The following CPT1A variants were observed in gnomAD, a reference collection of about 807,000 sequenced individuals.
CPT1A encodes carnitine palmitoyltransferase 1A.
A neutral mutation model predicts 100.8 loss-of-function variants in CPT1A; 64 were observed. That is an observed-to-expected ratio of 0.63 (90% CI 0.52 to 0.78). The LOEUF (loss-of-function observed/expected upper bound fraction) is 0.78, where lower values mean the gene tolerates loss of function less well. Among genes scored for constraint, CPT1A ranks in the 30% least tolerant of loss-of-function variants. The pLI is 0.00. For missense variants in CPT1A, 802 were observed against 1,034.1 expected (o/e 0.78, Z 3.08); for synonymous variants, 363 against 396.0 (o/e 0.92, Z 0.99).
chr11:68,761,879 G>A (rs1854631824), intron 15 of CPT1A, among the ~76,000 whole-genome samples, 192 bp from the exon 16 acceptor site: 1 of 152,144 alleles, frequency 6.6e-6, no homozygotes, highest in Non-Finnish European at 1.5e-5. Flanking sequence ...CCAAAGTACT[G>A]GGATTACAGG....
chr11:68,782,063 C>T (rs968649217), intron 10 of CPT1A, 104 bp from the exon 11 acceptor site: 29 of 1,101,900 alleles, frequency 2.6e-5, no homozygotes, highest in Middle Eastern at 2.4e-4. Flanking sequence ...CAGAATTTCT[C>T]GAAGGAAAAC....
intron 17 of CPT1A, among the ~76,000 whole-genome samples, 185 bp downstream of exon 17, chr11:68,760,040 C>CA (rs1262359763): frequency 6.6e-6 from 1 of 151,622 alleles, no homozygotes; most frequent in African/African-American, 2.4e-5. Flanking sequence ...GACCTTGTCT[C>CA]AAAAAAATAA....
Position 68,784,960 on chromosome 11 carries a change from CTCG to C in CPT1A, c.1015_1017del (p.Arg339del). On this transcript the variant is annotated inframe_deletion, in exon 10 of 19. Transcript: ENST00000265641. ...TAGAGCCAGACCTTGAAGTAGCGTC[CTCG>C]ATGGTACACGACGATGTGCTTGCTG... The C allele has an allele frequency of 6.2e-7, 1 of 1,614,054 alleles. No homozygotes were observed. The highest frequency in any genetic ancestry group is 2.2e-5 in the East Asian group (1 of 44,868).
rs533259989 is a variant in CPT1A, at chr11:68,758,616, C to CTTT, written c.2236-889_2236-887dup. ...TGTTAAACCAAATTAGATACATTTC[C>CTTT]TTTTTTTTTTTTTTTTTTCTGAGAC... On this transcript the variant is annotated intron_variant, in intron 18 of 18. Transcript: ENST00000265641. Among the ~76,000 whole-genome samples the CTTT allele has an allele frequency of 2.7e-4, 37 of 138,202 alleles. 1 individual carries two copies. The highest frequency in any genetic ancestry group is 3.9e-3 in the Middle Eastern group (1 of 254). The allele number at this position is 138,202 out of a possible 152,430, so 90.7% of individuals were successfully genotyped here.
intron 1 of CPT1A, among the ~76,000 whole-genome samples, chr11:68,838,894 G>A (rs777332260): frequency 3.9e-5 from 6 of 152,134 alleles, no homozygotes; most frequent in Non-Finnish European, 7.4e-5. Flanking sequence ...ACTTTGCATC[G>A]TATGCTTATA....
intron 14 of CPT1A, among the ~76,000 whole-genome samples, chr11:68,768,373 C>A (rs948935200): frequency 6.6e-6 from 1 of 152,076 alleles, no homozygotes; most frequent in Admixed American, 6.6e-5. Context: ...CTGTGCCCGG[C>A]CTGCCAGCAT....
chr11:68,816,528 C>T (rs1006670556), intron 1 of CPT1A, among the ~76,000 whole-genome samples: 9 of 152,240 alleles, frequency 5.9e-5, no homozygotes, highest in Admixed American at 3.3e-4. Context: ...TCTTCCTGTA[C>T]CCTTCATCCT....
At chr11:68,806,879 G>C (rs1217090555) in intron 4 of CPT1A, among the ~76,000 whole-genome samples, 1 of 151,990 alleles carries the variant, frequency 6.6e-6, no homozygotes, top group Non-Finnish European at 1.5e-5. Flanking sequence ...GCAGTGAGCT[G>C]AGATCACACC....
chr11:68,762,719 G>A lies in CPT1A; in HGVS notation c.1783C>T (p.Arg595Trp), dbSNP rs576663980. The change falls in exon 15 of 19, where the codon CGG (arginine) becomes TGG (tryptophan). Residue 595 changes from arginine (R) to tryptophan (W), a missense_variant. Around this residue, in one of 4 missense-constraint regions of CPT1A, gnomAD observed 627 missense variants for 799.3 expected, o/e 0.78. Coordinates refer to ENST00000265641, the MANE Select transcript of CPT1A (RefSeq NM_001876.4). ...TCCGTCCTCCCCTCTCGGAAGAGCC[G>A]GGTCATGGAGGCCTCGTATGTGAGG... The part of the protein sequence containing the change: ...FCLTYEASMT[R>W]LFREGRTETV... 5 of 1,614,076 alleles carry A rather than the reference G, an allele frequency of 3.1e-6. No individual in the cohort carries two copies. The highest frequency in any genetic ancestry group is 4.2e-6 in the Non-Finnish European group (5 of 1,180,034).
Position 68,794,790 on chromosome 11 carries a change from A to G in CPT1A, c.879+14T>C. On this transcript the variant is annotated intron_variant, in intron 8 of 18. Coordinates refer to ENST00000265641, the MANE Select transcript of CPT1A (RefSeq NM_001876.4). ...GTTTGAAAATAATTTTTTTAAAGCAATTTGTTTGCCTACTGGTTTGATTTC... is the reference window on the plus strand; with the variant it reads ...GTTTGAAAATAATTTTTTTAAAGCAGTTTGTTTGCCTACTGGTTTGATTTC... 6.2e-7 allele frequency: 1 copy of G among 1,601,380 alleles called. No individual in the cohort carries two copies. The highest frequency in any genetic ancestry group is 8.6e-7 in the Non-Finnish European group (1 of 1,168,434).
At chr11:68,815,624 A>C in intron 1 of CPT1A, 137 bp from the exon 2 acceptor site, 1 of 839,980 alleles carries the variant, frequency 1.2e-6, no homozygotes, top group Non-Finnish European at 1.9e-6. Context: ...TCATCAACAG[A>C]CCAATTCCAT....
intron 1 of CPT1A, among the ~76,000 whole-genome samples, chr11:68,831,924 T>A (rs1856890561): frequency 6.6e-6 from 1 of 152,076 alleles, no homozygotes; most frequent in African/African-American, 2.4e-5. Context: ...TGAGCCACTG[T>A]GCCCGACCCA....
chr11:68,797,048 G>T, intron 6 of CPT1A, 115 bp from the exon 7 acceptor site: 1 of 937,760 alleles, frequency 1.1e-6, no homozygotes, highest in South Asian at 1.4e-5. Flanking sequence ...AGACATTTCG[G>T]CGTCTAACAG....
chr11:68,812,296 G>T lies in CPT1A; in HGVS notation c.281+141C>A, dbSNP rs1308080747. ...GACCTTAACAGCACCCAGGAGACAG[G>T]AAGAAAGCTGACGTGAGAACAGCAT... On this transcript the variant is annotated intron_variant, in intron 3 of 18. Transcript: ENST00000265641. The T allele has an allele frequency of 4.9e-6, 6 of 1,235,592 alleles. No individual in the cohort carries two copies. In the Admixed American group the frequency reaches 1.0e-4, roughly 22 times the overall value. The allele number at this position is 1,235,592 out of a possible 1,614,324, so 76.5% of individuals were successfully genotyped here.
At chr11:68,837,389 T>G (rs1225540014) in intron 1 of CPT1A, among the ~76,000 whole-genome samples, 2 of 152,204 alleles carry the variant, frequency 1.3e-5, no homozygotes, top group African/African-American at 4.8e-5. Context: ...TTAGGAAAGC[T>G]GTCTGTGGTG....
rs1335393706 is a variant in CPT1A at position 68,759,395 on chromosome 11, CA to C, written c.2235+173del. 8.0e-3 allele frequency among the ~76,000 whole-genome samples: 1,035 copies of C among 129,766 alleles called. 7 individuals are homozygous for C. Among genetic ancestry groups the C allele is most frequent in the Non-Finnish European group, 0.012 (707 of 59,590 alleles). 85.1% of individuals were successfully genotyped at this position (129,766 alleles called of 152,430 possible). On this transcript the variant is annotated intron_variant, in intron 18 of 18. Coordinates refer to ENST00000265641, the MANE Select transcript of CPT1A (RefSeq NM_001876.4). ...GGGCGACAGAGTGAGACTGTGTCTC[CA>C]AAAAAAAAAAAATTTTTTTTTAAAA...
chr11:68,759,499 T>C (rs549895890), intron 18 of CPT1A, 70 bp downstream of exon 18: 13 of 987,650 alleles, frequency 1.3e-5, no homozygotes, highest in Middle Eastern at 4.1e-4. Flanking sequence ...AAATTAAAGA[T>C]GTGTTTCCTT....
intron 13 of CPT1A, among the ~76,000 whole-genome samples, chr11:68,774,457 A>G (rs771094329): frequency 6.6e-6 from 1 of 151,582 alleles, no homozygotes; most frequent in Non-Finnish European, 1.5e-5. Context: ...ATTTTTATTT[A>G]TTTGAGATAG....
At chr11:68,775,265 A>G (rs1855111802) in intron 13 of CPT1A, 51 bp downstream of exon 13, 1 of 1,432,834 alleles carries the variant, frequency 7.0e-7, no homozygotes, top group Non-Finnish European at 9.9e-7. Context: ...AAGACTTCAA[A>G]TGTGTTTCCC....
Sources: allele counts gnomAD v4.1 joint callset (sites outside exome capture counted in the v4.1 genomes callset), GRCh38; gene constraint gnomAD v4.1.1; regional missense constraint gnomAD v4.1.1; transcripts MANE v1.5; gene names NCBI Gene and HGNC (gene_info 2026-07-23, HGNC 2026-07-21).